FRAS1: variants seen among roughly 807,000 people sequenced by gnomAD.
FRAS1 encodes the protein extracellular matrix organizing protein FRAS1.
Under a neutral mutation model 435.2 loss-of-function variants are expected in FRAS1, and 290 were observed. That is an observed-to-expected ratio of 0.67 (90% CI 0.61 to 0.73). FRAS1 has a LOEUF of 0.73. Ranked by LOEUF, FRAS1 falls within the 30% of genes least tolerant of loss-of-function variation. The pLI, the probability that FRAS1 is intolerant of heterozygous loss-of-function variation, is 0.00. For synonymous variants in FRAS1, 1,800 were observed against 1,851.0 expected (o/e 0.97, Z 0.71); for missense variants, 4,860 against 5,001.5 (o/e 0.97, Z 0.85).
chr4:78,395,983 A>G (rs375976927), intron 29 of FRAS1, among the ~76,000 whole-genome samples: 1 of 151,426 alleles, frequency 6.6e-6, no homozygotes, highest in African/African-American at 2.4e-5. Flanking sequence ...TTGTAGTGGT[A>G]TGTTTTTATT....
intron 2 of FRAS1, among the ~76,000 whole-genome samples, chr4:78,220,027 T>C (rs915402223): frequency 6.6e-6 from 1 of 152,190 alleles, no homozygotes; most frequent in African/African-American, 2.4e-5. Flanking sequence ...ATCAGCAGGC[T>C]CAAGAGTCAG....
chr4:78,473,976 T>C (rs1194060334), intron 53 of FRAS1, among the ~76,000 whole-genome samples: 2 of 152,094 alleles, frequency 1.3e-5, no homozygotes, highest in African/African-American at 4.8e-5. Context: ...CTCAGACAAA[T>C]GTTTTTGCTT....
intron 2 of FRAS1, among the ~76,000 whole-genome samples, chr4:78,151,797 C>T (rs1309340693): frequency 6.6e-6 from 1 of 152,188 alleles, no homozygotes; most frequent in African/African-American, 2.4e-5. Context: ...GGAAGAGTAG[C>T]TGATGAGGAG....
chr4:78,178,652 C>T (rs960193034), intron 2 of FRAS1, among the ~76,000 whole-genome samples: 2 of 152,186 alleles, frequency 1.3e-5, no homozygotes, highest in Non-Finnish European at 2.9e-5. Flanking sequence ...TAGCATCTCT[C>T]AGGGGTGTAA....
Position 78,379,719 on chromosome 4 carries a change from T to G in FRAS1, c.3293-7T>G. Reference sequence around the variant, plus strand: ...AAGCTTGACCTTTGGATTCATATGTTTTTCAGGCAAAATACACACCCCTAG... The same window carrying G: ...AAGCTTGACCTTTGGATTCATATGTGTTTCAGGCAAAATACACACCCCTAG... On this transcript the variant is annotated splice_polypyrimidine_tract_variant and splice_region_variant and intron_variant, in intron 26 of 73. Transcript: ENST00000512123. 6.2e-7 allele frequency: 1 copy of G among 1,604,634 alleles called. No homozygotes were observed. The highest frequency in any genetic ancestry group is 1.3e-5 in the African/African-American group (1 of 74,574).
chr4:78,445,905 A>T lies in FRAS1; in HGVS notation c.5856+193A>T, dbSNP rs78559495. The T allele has an allele frequency of 2.8e-4, 375 of 1,329,112 alleles. No homozygotes were observed. The African/African-American group carries it at 4.6e-3, about 16-fold the overall frequency. 82.3% of individuals were successfully genotyped at this position (1,329,112 alleles called of 1,614,324 possible). On this transcript the variant is annotated intron_variant, in intron 42 of 73. Coordinates refer to ENST00000512123, the MANE Select transcript of FRAS1 (RefSeq NM_025074.7). ...GCATTTGGGGAAGGCTTGAGTTAGA[A>T]ATCTAAATTTCCATTTCAGGATTGA...
chr4:78,080,009 C>T (rs553192373), intron 2 of FRAS1, among the ~76,000 whole-genome samples: 51 of 152,232 alleles, frequency 3.4e-4, no homozygotes, highest in African/African-American at 1.2e-3. Flanking sequence ...CTAATGAACG[C>T]TGCTGGAGAA....
Position 78,508,798 on chromosome 4 carries a change from C to A in FRAS1, c.9572C>A (p.Ser3191Tyr), listed in dbSNP as rs911652005. The change falls in exon 63 of 74, where the codon TCC becomes TAC. Residue 3191 changes from serine to tyrosine, a missense_variant. By Grantham distance (144) the Ser-to-Tyr change is moderately radical (BLOSUM62 -2). Transcript: ENST00000512123. ...AAGGAAGGAGTCAAGAAATCCCCCT[C>A]CCCAGGCTACCCACTGGTCTGTGTC... ...VTKEGVKKSP[S>Y]PGYPLVCVTP... 6.2e-7 allele frequency: 1 copy of A among 1,613,588 alleles called. No individual in the cohort carries two copies. The highest frequency in any genetic ancestry group is 8.5e-7 in the Non-Finnish European group (1 of 1,179,786).
At chr4:78,374,477 C>G (rs1731678161) in intron 25 of FRAS1, among the ~76,000 whole-genome samples, 1 of 152,154 alleles carries the variant, frequency 6.6e-6, no homozygotes, top group South Asian at 2.1e-4. Flanking sequence ...ATATTGTCCC[C>G]AAAGGTCTTT....
chr4:78,357,637 T>C (rs423638), intron 20 of FRAS1, among the ~76,000 whole-genome samples: 25,773 of 151,974 alleles, frequency 0.17, 2,877 homozygotes, highest in African/African-American at 0.32. Flanking sequence ...TGAGGTGGCT[T>C]ATACCTGTAA....
chr4:78,346,782 C>A (rs1730618442), intron 20 of FRAS1, among the ~76,000 whole-genome samples: 2 of 152,116 alleles, frequency 1.3e-5, no homozygotes. Flanking sequence ...GAAAGGAGCT[C>A]CCTCATTCTG....
chr4:78,193,242 AT>A (rs1332361520), intron 2 of FRAS1, among the ~76,000 whole-genome samples: 2 of 152,136 alleles, frequency 1.3e-5, no homozygotes, highest in African/African-American at 4.8e-5. Context: ...AAAAGTGTAT[AT>A]TCTGTTGATT....
intron 65 of FRAS1, among the ~76,000 whole-genome samples, chr4:78,514,150 G>A (rs1037819255): frequency 6.6e-6 from 1 of 152,222 alleles, no homozygotes; most frequent in Non-Finnish European, 1.5e-5. Flanking sequence ...AGGGAGCTCT[G>A]GAGAGACTTG....
At chr4:78,372,921 T>C in intron 24 of FRAS1, 63 bp downstream of exon 24, 2 of 1,496,638 alleles carry the variant, frequency 1.3e-6, no homozygotes, top group South Asian at 1.4e-5. Flanking sequence ...ATTTGTACTG[T>C]TCTCAGAAGG....
Position 78,416,927 on chromosome 4 carries a change from A to G in FRAS1, c.4426-2022A>G, listed in dbSNP as rs1338874344. On this transcript the variant is annotated intron_variant, in intron 32 of 73. Coordinates refer to ENST00000512123, the MANE Select transcript of FRAS1 (RefSeq NM_025074.7). ...GGTGGGCGAAACAGTTGGACTCTGG[A>G]TATATTCAGAGGTAACATGGCCATT... Among the ~76,000 whole-genome samples, 11 of 152,052 alleles carry G rather than the reference A, an allele frequency of 7.2e-5. 1 individual carries two copies. The highest frequency in any genetic ancestry group is 7.2e-4 in the Admixed American group (11 of 15,258).
intron 53 of FRAS1, among the ~76,000 whole-genome samples, 164 bp downstream of exon 53, chr4:78,473,761 G>C (rs982467188): frequency 6.6e-6 from 1 of 151,160 alleles, no homozygotes; most frequent in Non-Finnish European, 1.5e-5. Context: ...ATTGAGTACT[G>C]TATGTATTAG....
chr4:78,481,534 G>A (rs17409828), intron 56 of FRAS1, among the ~76,000 whole-genome samples: 18,874 of 152,140 alleles, frequency 0.12, 1,356 homozygotes, highest in East Asian at 0.22. Context: ...AGCCACAACA[G>A]CCTTCTCCCC....
intron 3 of FRAS1, among the ~76,000 whole-genome samples, chr4:78,240,053 A>AT (rs200759045): frequency 1.1e-3 from 160 of 147,270 alleles, no homozygotes; most frequent in Admixed American, 1.0e-3. Flanking sequence ...GCACTCAATA[A>AT]TTTTTTTTTT....
chr4:78,057,776 A>C lies in FRAS1; in HGVS notation c.-234A>C. The C allele has an allele frequency of 1.8e-6, 1 of 547,912 alleles. No individual in the cohort carries two copies. Among genetic ancestry groups the C allele is most frequent in the South Asian group, 2.8e-5 (1 of 36,202 alleles). 33.9% of individuals were successfully genotyped at this position (547,912 alleles called of 1,614,324 possible). ...ACGTTGGCGTCCTGCCTTGCGGGGG[A>C]ACTCGGCGCGCTCTCTGCCTGAGCA... On this transcript the variant is annotated 5_prime_UTR_variant, in exon 1 of 74. Transcript: ENST00000512123. This position sits in a 1 kb window ranked among gnomAD's most constrained non-coding sequence, Gnocchi z 4.2.
Sources: gnomAD v4.1 joint callset for allele counts (sites outside exome capture counted in the v4.1 genomes callset) on GRCh38, gnomAD v4.1.1 for gene constraint, Gnocchi (gnomAD v3.1) non-coding constraint, MANE v1.5 for transcripts, NCBI Gene and HGNC (gene_info 2026-07-23, HGNC 2026-07-21) for gene names.